Variants in TBC1D32 observed in about 807,000 individuals in gnomAD.
TBC1D32 encodes protein broad-minded.
Under a neutral mutation model 170.3 loss-of-function variants are expected in TBC1D32, and 151 were observed. The observed-to-expected ratio is 0.89, with a 90% CI of 0.78 to 1.01. The LOEUF (loss-of-function observed/expected upper bound fraction) is 1.01, where lower values mean the gene tolerates loss of function less well. Among genes scored for constraint, TBC1D32 ranks in the 50% least tolerant of loss-of-function variants. The pLI is 0.00. For synonymous variants in TBC1D32, 498 were observed against 488.0 expected (o/e 1.02, Z -0.27); for missense variants, 1,464 against 1,457.1 (o/e 1.00, Z -0.08).
intron 29 of TBC1D32, among the ~76,000 whole-genome samples, chr6:121,107,350 A>G (rs1778792371): frequency 6.6e-6 from 1 of 151,938 alleles, no homozygotes; most frequent in Non-Finnish European, 1.5e-5. Flanking sequence ...ATCATAAATG[A>G]CTTATTTCAC....
At chr6:121,277,494 A>AG (rs1304587795) in intron 15 of TBC1D32, among the ~76,000 whole-genome samples, 3 of 150,500 alleles carry the variant, frequency 2.0e-5, no homozygotes, top group African/African-American at 7.3e-5. Flanking sequence ...TCTCAAAAAA[A>AG]AAAAAAAAAA....
intron 3 of TBC1D32, among the ~76,000 whole-genome samples, chr6:121,316,121 T>A (rs964281716): frequency 1.3e-5 from 2 of 152,150 alleles, no homozygotes; most frequent in African/African-American, 4.8e-5. Flanking sequence ...TGACCCCATT[T>A]CTACCAAAGC....
At chr6:121,138,588 T>C (rs916866717) in intron 24 of TBC1D32, among the ~76,000 whole-genome samples, 2 of 152,220 alleles carry the variant, frequency 1.3e-5, no homozygotes, top group Admixed American at 6.5e-5. Context: ...CATAGGTTGA[T>C]GTCAAATAAA....
At chr6:121,262,717 T>G (rs1044293405) in intron 15 of TBC1D32, among the ~76,000 whole-genome samples, 1 of 152,138 alleles carries the variant, frequency 6.6e-6, no homozygotes, top group Non-Finnish European at 1.5e-5. Flanking sequence ...CCTCAGGTGA[T>G]CTGCCCGCCT....
At chr6:121,090,023 C>T (rs901685080) in intron 31 of TBC1D32, among the ~76,000 whole-genome samples, 3 of 151,620 alleles carry the variant, frequency 2.0e-5, no homozygotes, top group African/African-American at 7.3e-5. Context: ...AGCTCCGCCT[C>T]CTGGGTTCAC....
intron 22 of TBC1D32, among the ~76,000 whole-genome samples, chr6:121,203,125 C>G (rs1278236836): frequency 6.6e-6 from 1 of 151,002 alleles, no homozygotes; most frequent in Non-Finnish European, 1.5e-5. Context: ...GTAAAAATCC[C>G]AAACACACAG....
intron 26 of TBC1D32, 103 bp downstream of exon 26, chr6:121,126,275 T>C (rs929529618): frequency 3.8e-6 from 3 of 782,928 alleles, no homozygotes; most frequent in Admixed American, 5.2e-5. Context: ...TAAGAGATTG[T>C]TAGGATGAGA....
intron 17 of TBC1D32, among the ~76,000 whole-genome samples, chr6:121,249,057 A>T (rs1797973663): frequency 6.6e-6 from 1 of 151,952 alleles, no homozygotes; most frequent in Admixed American, 6.6e-5. Flanking sequence ...CCTCAAAATA[A>T]TACTTGCTAA....
chr6:121,101,539 C>T (rs1464007952), intron 30 of TBC1D32, among the ~76,000 whole-genome samples: 1 of 152,082 alleles, frequency 6.6e-6, no homozygotes, highest in African/African-American at 2.4e-5. Context: ...ATTCAACAGC[C>T]CTTCATGCTA....
chr6:121,322,026 AAGCAGCCCAAACTTC>A (rs1228457125), intron 1 of TBC1D32, among the ~76,000 whole-genome samples: 4 of 152,092 alleles, frequency 2.6e-5, no homozygotes, highest in Non-Finnish European at 5.9e-5. Flanking sequence ...CAAATTTCAG[AAGCAGCCCAAACTTC>A]AGCAGGTTAG....
At chr6:121,198,277 TACACACACACACAC>T (rs1213532943) in intron 22 of TBC1D32, among the ~76,000 whole-genome samples, 2 of 128,430 alleles carry the variant, frequency 1.6e-5, no homozygotes, top group Non-Finnish European at 3.4e-5. Context: ...ATATATAATA[TACACACACACACAC>T]ATATATATGT....
At chr6:121,085,387 ATATTC>A (rs1776156694) in intron 31 of TBC1D32, among the ~76,000 whole-genome samples, 2 of 147,804 alleles carry the variant, frequency 1.4e-5, no homozygotes, top group Admixed American at 1.4e-4. Flanking sequence ...ATATATATAT[ATATTC>A]TTCTTGATCA....
chr6:121,223,207 C>T (rs763781001), intron 21 of TBC1D32, 29 bp downstream of exon 21: 16 of 1,363,410 alleles, frequency 1.2e-5, no homozygotes, highest in African/African-American at 1.5e-5. Context: ...GCATTTATAA[C>T]AGAGAAAGAT....
intron 12 of TBC1D32, among the ~76,000 whole-genome samples, chr6:121,286,806 A>G (rs983704662): frequency 3.3e-5 from 5 of 152,352 alleles, no homozygotes; most frequent in East Asian, 1.9e-4. Context: ...TTGATCTCTC[A>G]GCAGAAACTC....
rs534869466 is a variant in TBC1D32 at position 121,322,667 on chromosome 6, C to T, written c.156-873G>A. On this transcript the variant is annotated intron_variant, in intron 1 of 31. Transcript: ENST00000398212. ...CCTGCTTCATTCCTGACCACCTCTA[C>T]ACCTAGATTTCTACACTGTTGGTAG... Among the ~76,000 whole-genome samples the T allele has an allele frequency of 3.9e-5, 6 of 152,210 alleles. No homozygotes were observed. In the South Asian group the frequency reaches 8.3e-4, roughly 21 times the overall value.
chr6:121,334,709 A>G, upstream of TBC1D32: 1 of 452,800 alleles, frequency 2.2e-6, no homozygotes, highest in Non-Finnish European at 4.0e-6. Context: ...CCCGACTAAC[A>G]ACAAAAGAGA....
chr6:121,191,040 T>C (rs1789938568), intron 22 of TBC1D32, among the ~76,000 whole-genome samples: 1 of 7,224 alleles, frequency 1.4e-4, no homozygotes, highest in South Asian at 0.013. Flanking sequence ...AATGTGTGTA[T>C]GCATATATAT....
intron 12 of TBC1D32, among the ~76,000 whole-genome samples, chr6:121,287,518 C>A (rs1350121947): frequency 6.6e-6 from 1 of 152,044 alleles, no homozygotes; most frequent in Admixed American, 6.6e-5. Flanking sequence ...CCTTAGAGAC[C>A]TACAAAGAGA....
intron 19 of TBC1D32, among the ~76,000 whole-genome samples, chr6:121,239,886 G>C (rs569239426): frequency 6.6e-6 from 1 of 151,996 alleles, no homozygotes; most frequent in African/African-American, 2.4e-5. Context: ...AACAATATTC[G>C]ATCAGAAAGG....
Sources: gnomAD v4.1 joint callset for allele counts (sites outside exome capture counted in the v4.1 genomes callset) on GRCh38, gnomAD v4.1.1 for gene constraint, MANE v1.5 for transcripts, NCBI Gene and HGNC (gene_info 2026-07-23, HGNC 2026-07-21) for gene names.